The following YAF2 variants were observed in gnomAD, a reference collection of about 807,000 sequenced individuals.
The protein encoded by YAF2 is YY1 associated factor 2.
In YAF2, 7 loss-of-function variants were observed where a neutral mutation model predicts 20.1. The ratio of observed to expected loss-of-function variants is 0.35; its 90% confidence interval spans 0.20 to 0.65. The LOEUF is 0.65. YAF2 is among the 30% of genes least tolerant of loss of function. The probability of loss-of-function intolerance (pLI) is 0.69; values close to 1 mark genes in which losing one functional copy is unlikely to be tolerated. For missense variants in YAF2, 151 were observed against 219.2 expected (o/e 0.69, Z 1.96); for synonymous variants, 74 against 76.0 (o/e 0.97, Z 0.14).
intron 2 of YAF2, among the ~76,000 whole-genome samples, chr12:42,194,478 T>C (rs1277332628): frequency 6.6e-6 from 1 of 152,138 alleles, no homozygotes; most frequent in Admixed American, 6.5e-5. Flanking sequence ...AACCCGTCTC[T>C]ACTAAAAAAA....
intron 2 of YAF2, chr12:42,235,979 C>T: frequency 6.5e-7 from 1 of 1,536,080 alleles, no homozygotes; most frequent in Non-Finnish European, 8.7e-7. Context: ...ACACCAGCTT[C>T]CCCCCTTCCT....
intron 2 of YAF2, chr12:42,212,396 T>C (rs948311055): frequency 7.1e-6 from 3 of 420,648 alleles, no homozygotes; most frequent in East Asian, 1.4e-4. Flanking sequence ...AGGTACTAGA[T>C]ACAGATATAT....
intron 2 of YAF2, among the ~76,000 whole-genome samples, chr12:42,195,693 T>C (rs115324097): frequency 0.011 from 1,600 of 152,296 alleles, 29 homozygotes; most frequent in African/African-American, 0.037. Flanking sequence ...AGACACAGTT[T>C]TGCCCTCAAA....
chr12:42,237,591 G>C lies in YAF2; in HGVS notation c.152+8C>G. The stretch of plus-strand genomic sequence containing the variant: ...GCCGGCGGCGCGAGGGGCAGGCCCG[G>C]GACTCACCGGGTGGAGGTGCCCTTC... On this transcript the variant is annotated splice_region_variant and intron_variant, in intron 2 of 3. Transcript: ENST00000534854. 1.3e-6 allele frequency: 2 copies of C among 1,531,174 alleles called. No homozygotes were observed. Among genetic ancestry groups the C allele is most frequent in the Non-Finnish European group, 1.8e-6 (2 of 1,137,994 alleles). The allele number at this position is 1,531,174 out of a possible 1,614,324, so 94.8% of individuals were successfully genotyped here.
At chr12:42,206,058 A>G (rs1204193366) in intron 2 of YAF2, among the ~76,000 whole-genome samples, 1 of 151,702 alleles carries the variant, frequency 6.6e-6, no homozygotes, top group African/African-American at 2.4e-5. Flanking sequence ...CTTTTCTTCC[A>G]TATTTTTCAC....
At chr12:42,224,431 G>A (rs1275385014) in intron 2 of YAF2, among the ~76,000 whole-genome samples, 1 of 152,004 alleles carries the variant, frequency 6.6e-6, no homozygotes, top group East Asian at 1.9e-4. Context: ...AGAACCTCCA[G>A]GTTTGTTACA....
intron 2 of YAF2, among the ~76,000 whole-genome samples, chr12:42,200,336 C>T (rs1378752373): frequency 2.0e-5 from 3 of 152,082 alleles, no homozygotes; most frequent in East Asian, 1.9e-4. Flanking sequence ...AATTATTTTC[C>T]TTGTCTCTTT....
intron 2 of YAF2, among the ~76,000 whole-genome samples, chr12:42,212,124 CTAATTA>C (rs2067230508): frequency 6.6e-6 from 1 of 151,772 alleles, no homozygotes; most frequent in South Asian, 2.1e-4. Flanking sequence ...ATTAATAATG[CTAATTA>C]TAATTTAAAT....
intron 2 of YAF2, among the ~76,000 whole-genome samples, chr12:42,229,459 C>A (rs1219152737): frequency 6.6e-6 from 1 of 150,900 alleles, no homozygotes; most frequent in Admixed American, 6.6e-5. Context: ...TACAATACTT[C>A]AGGTATTTTA....
intron 2 of YAF2, among the ~76,000 whole-genome samples, chr12:42,231,058 C>T (rs1023255981): frequency 6.6e-6 from 1 of 152,134 alleles, no homozygotes; most frequent in African/African-American, 2.4e-5. Flanking sequence ...ACCAGCAGTT[C>T]ACAAACTTTT....
intron 2 of YAF2, among the ~76,000 whole-genome samples, chr12:42,227,758 GC>G (rs1175110535): frequency 1.3e-5 from 2 of 148,384 alleles, no homozygotes; most frequent in African/African-American, 5.0e-5. Context: ...GGGGGGGTCA[GC>G]CCCCCGCCTG....
In YAF2 at chr12:42,215,982, A is replaced by G. The variant is rs1391910920; in HGVS notation, c.152+21617T>C. Among the ~76,000 whole-genome samples the G allele has an allele frequency of 4.6e-5, 7 of 151,724 alleles. No homozygotes were observed. The East Asian group carries it at 1.2e-3, about 25-fold the overall frequency. ...AATAAATAAATAAATAAATAAAGCT[A>G]CTGTACATTTACTTACCACTTAAAT... is the stretch of plus-strand genomic sequence containing the variant. On this transcript the variant is annotated intron_variant, in intron 2 of 3. Transcript: ENST00000534854.
chr12:42,174,610 C>T (rs2066134018), intron 2 of YAF2, among the ~76,000 whole-genome samples: 1 of 152,186 alleles, frequency 6.6e-6, no homozygotes, highest in African/African-American at 2.4e-5. Flanking sequence ...CCAGGTACCT[C>T]TTAAAAATGC....
intron 2 of YAF2, among the ~76,000 whole-genome samples, chr12:42,216,577 C>T (rs1439964774): frequency 6.6e-6 from 1 of 152,128 alleles, no homozygotes; most frequent in Middle Eastern, 3.4e-3. Context: ...AAAGTCTCTC[C>T]TAGGTCTCTT....
At chr12:42,227,010 G>A (rs1164968264) in intron 2 of YAF2, among the ~76,000 whole-genome samples, 2 of 147,158 alleles carry the variant, frequency 1.4e-5, no homozygotes, top group African/African-American at 5.0e-5. Context: ...GCTGACGCCC[G>A]CGGGCCCCAG....
chr12:42,219,322 T>C (rs1313526231), intron 2 of YAF2, among the ~76,000 whole-genome samples: 2 of 152,188 alleles, frequency 1.3e-5, no homozygotes, highest in East Asian at 3.8e-4. Flanking sequence ...CTCTCTCCTC[T>C]TTACCCTCTT....
intron 2 of YAF2, chr12:42,235,553 G>C (rs1173592539): frequency 7.3e-7 from 1 of 1,369,988 alleles, no homozygotes; most frequent in Non-Finnish European, 9.4e-7. Context: ...AAAATCAAAA[G>C]AGAAGAGAAT....
chr12:42,170,011 C>A (rs989482291), intron 2 of YAF2, among the ~76,000 whole-genome samples: 2 of 151,956 alleles, frequency 1.3e-5, no homozygotes, highest in African/African-American at 4.8e-5. Context: ...ACTGGTACCA[C>A]AGGCACGCAT....
chr12:42,209,071 A>G (rs990448573), intron 2 of YAF2, among the ~76,000 whole-genome samples: 1 of 152,184 alleles, frequency 6.6e-6, no homozygotes, highest in African/African-American at 2.4e-5. Flanking sequence ...TCAATTCAAT[A>G]AGTTATTTGG....
Sources: allele counts gnomAD v4.1 joint callset (sites outside exome capture counted in the v4.1 genomes callset), GRCh38; gene constraint gnomAD v4.1.1; transcripts MANE v1.5; gene names NCBI Gene and HGNC (gene_info 2026-07-23, HGNC 2026-07-21).